AGBL4: variants seen among roughly 807,000 people sequenced by gnomAD.
The protein encoded by AGBL4 is cytosolic carboxypeptidase 6.
Under a neutral mutation model 66.4 loss-of-function variants are expected in AGBL4, and 58 were observed. The observed-to-expected ratio is 0.87, with a 90% CI of 0.71 to 1.09. The LOEUF (loss-of-function observed/expected upper bound fraction) is 1.09. Ranked by LOEUF, AGBL4 falls within the 50% of genes least tolerant of loss-of-function variation. The probability of loss-of-function intolerance (pLI) is 0.00; values close to 1 mark genes in which losing one functional copy is unlikely to be tolerated. For missense variants in AGBL4, 579 were observed against 631.0 expected, an observed-to-expected ratio of 0.92 and a Z score of 0.88; for synonymous variants, 234 against 222.9, an observed-to-expected ratio of 1.05 and a Z score of -0.44.
intron 1 of AGBL4, among the ~76,000 whole-genome samples, chr1:49,860,225 A>G (rs1241392630): frequency 6.6e-6 from 1 of 152,258 alleles, no homozygotes; most frequent in Non-Finnish European, 1.5e-5. Flanking sequence ...AACAAACTAA[A>G]AAAAATCAAA....
At chr1:49,461,825 T>G (rs1304911693) in intron 3 of AGBL4, among the ~76,000 whole-genome samples, 1 of 151,834 alleles carries the variant, frequency 6.6e-6, no homozygotes, top group Non-Finnish European at 1.5e-5. Context: ...CTCCATAGTA[T>G]TCCATTATGT....
chr1:49,300,603 C>T (rs939253350), intron 3 of AGBL4, among the ~76,000 whole-genome samples: 1 of 152,146 alleles, frequency 6.6e-6, no homozygotes, highest in Non-Finnish European at 1.5e-5. Context: ...TTCTCAAGAA[C>T]ACAAATCTCA....
At chr1:49,073,540 T>C (rs532904554) in intron 4 of AGBL4, among the ~76,000 whole-genome samples, 1 of 152,296 alleles carries the variant, frequency 6.6e-6, no homozygotes, top group East Asian at 1.9e-4. Flanking sequence ...TTGTTAGAGG[T>C]CCACTCCAAA....
chr1:48,546,902 C>CACAGAAAA (rs1644172688), intron 11 of AGBL4, among the ~76,000 whole-genome samples: 1 of 150,462 alleles, frequency 6.6e-6, no homozygotes. Context: ...CACACACATA[C>CACAGAAAA]ATAATAGCAA....
chr1:49,821,318 G>A (rs1431446415), intron 2 of AGBL4, among the ~76,000 whole-genome samples: 1 of 152,154 alleles, frequency 6.6e-6, no homozygotes, highest in African/African-American at 2.4e-5. Flanking sequence ...GGGTTTAGCT[G>A]TGTGACATTT....
intron 1 of AGBL4, among the ~76,000 whole-genome samples, chr1:49,862,251 A>C (rs1167333753): frequency 6.6e-6 from 1 of 152,038 alleles, no homozygotes; most frequent in Non-Finnish European, 1.5e-5. Context: ...TGCAATTGGC[A>C]TACTGAAGAA....
chr1:49,652,666 G>A (rs1646031987), intron 3 of AGBL4, among the ~76,000 whole-genome samples: 1 of 152,160 alleles, frequency 6.6e-6, no homozygotes, highest in Non-Finnish European at 1.5e-5. Flanking sequence ...GCAAGACTGG[G>A]CAATTTGGAC....
intron 3 of AGBL4, among the ~76,000 whole-genome samples, chr1:49,580,287 A>C (rs935696506): frequency 1.3e-5 from 2 of 152,128 alleles, no homozygotes; most frequent in African/African-American, 4.8e-5. Context: ...CTTATCTTTT[A>C]AGTGGAGAAC....
intron 4 of AGBL4, among the ~76,000 whole-genome samples, chr1:49,138,214 A>C (rs1646050000): frequency 6.6e-6 from 1 of 152,092 alleles, no homozygotes; most frequent in Non-Finnish European, 1.5e-5. Context: ...CAGGTGAGTA[A>C]ACAACGTCCA....
rs1295233963 is a variant in AGBL4 at position 49,846,091 on chromosome 1, T to C, written c.157+5305A>G. The C allele has an allele frequency of 3.2e-6, 5 of 1,544,138 alleles. No individual in the cohort carries two copies. The Admixed American group carries it at 8.4e-5, about 26-fold the overall frequency. ...ACACAGGAGAGAAACCCTATGAATGTAACCAGTGTAGCCAGAGCTCCCTTC... is the reference window on the plus strand; with the variant it reads ...ACACAGGAGAGAAACCCTATGAATGCAACCAGTGTAGCCAGAGCTCCCTTC... On this transcript the variant is annotated intron_variant, in intron 2 of 13. Coordinates refer to ENST00000371839, the MANE Select transcript of AGBL4 (RefSeq NM_032785.4).
At chr1:49,729,049 G>A (rs1008438950) in intron 2 of AGBL4, among the ~76,000 whole-genome samples, 1 of 152,094 alleles carries the variant, frequency 6.6e-6, no homozygotes, top group Non-Finnish European at 1.5e-5. Flanking sequence ...TCATGAACCG[G>A]GGAGGGCAGA....
chr1:49,795,036 A>G (rs1644695949), intron 2 of AGBL4, among the ~76,000 whole-genome samples: 1 of 151,978 alleles, frequency 6.6e-6, no homozygotes, highest in African/African-American at 2.4e-5. Flanking sequence ...AAAGATAGCA[A>G]TACGAAGATA....
intron 2 of AGBL4, among the ~76,000 whole-genome samples, chr1:49,769,083 G>A (rs1427387305): frequency 3.3e-5 from 5 of 152,044 alleles, no homozygotes; most frequent in Admixed American, 1.3e-4. Context: ...TTGTGACCTC[G>A]TGATCTGCCC....
chr1:49,372,607 T>TTTTCTTTTTC (rs1644372720), intron 3 of AGBL4, among the ~76,000 whole-genome samples: 3 of 111,092 alleles, frequency 2.7e-5, no homozygotes, highest in Admixed American at 2.0e-4. Flanking sequence ...TTCTTTTTCT[T>TTTTCTTTTTC]TTTCTTTCTT....
At chr1:49,885,497 C>A (rs1647928767) in intron 1 of AGBL4, among the ~76,000 whole-genome samples, 2 of 151,944 alleles carry the variant, frequency 1.3e-5, no homozygotes, top group African/African-American at 2.4e-5. Context: ...CAAAAAAACC[C>A]CTAAACATTA....
At chr1:49,999,868 C>A (rs1218926329) in intron 1 of AGBL4, among the ~76,000 whole-genome samples, 2 of 152,032 alleles carry the variant, frequency 1.3e-5, no homozygotes, top group Non-Finnish European at 2.9e-5. Context: ...TCGCAAGCCA[C>A]ATGTAGAAGA....
At chr1:49,469,587 A>G (rs1646700001) in intron 3 of AGBL4, among the ~76,000 whole-genome samples, 1 of 151,922 alleles carries the variant, frequency 6.6e-6, no homozygotes, top group Non-Finnish European at 1.5e-5. Flanking sequence ...ACCAAAGATG[A>G]CCAAACTCTT....
intron 1 of AGBL4, among the ~76,000 whole-genome samples, chr1:49,970,472 C>A (rs1657959781): frequency 6.6e-6 from 1 of 151,952 alleles, no homozygotes; most frequent in Non-Finnish European, 1.5e-5. Context: ...AAGAAGACAT[C>A]CAAATAGGTA....
At chr1:49,920,804 C>T (rs1652147363) in intron 1 of AGBL4, among the ~76,000 whole-genome samples, 1 of 152,156 alleles carries the variant, frequency 6.6e-6, no homozygotes, top group Admixed American at 6.5e-5. Context: ...ATGTTTATTG[C>T]AGCACTATTC....
Sources: gnomAD v4.1 joint callset for allele counts (sites outside exome capture counted in the v4.1 genomes callset) on GRCh38, gnomAD v4.1.1 for gene constraint, MANE v1.5 for transcripts, NCBI Gene and HGNC (gene_info 2026-07-23, HGNC 2026-07-21) for gene names.